Variants in CCSER1 observed in about 807,000 individuals in gnomAD.
CCSER1 encodes serine-rich coiled-coil domain-containing protein 1.
A neutral mutation model predicts 82.0 loss-of-function variants in CCSER1; 41 were observed. The observed-to-expected ratio is 0.50, with a 90% CI of 0.39 to 0.65. The LOEUF is 0.65. CCSER1 is among the 30% of genes least tolerant of loss of function. CCSER1 has a pLI of 0.00. For synonymous variants in CCSER1, 414 were observed against 383.9 expected, an observed-to-expected ratio of 1.08 and a Z score of -0.92; for missense variants, 1,119 against 1,064.2, an observed-to-expected ratio of 1.05 and a Z score of -0.72.
intron 1 of CCSER1, among the ~76,000 whole-genome samples, chr4:90,279,598 G>A (rs999220361): frequency 2.0e-4 from 31 of 151,892 alleles, no homozygotes; most frequent in African/African-American, 6.5e-4. Flanking sequence ...TCTGCTTCTC[G>A]CTGCACTGTT....
At chr4:90,174,679 AG>A (rs1287969907) in intron 1 of CCSER1, among the ~76,000 whole-genome samples, 2 of 151,956 alleles carry the variant, frequency 1.3e-5, no homozygotes, top group East Asian at 3.9e-4. Flanking sequence ...GATCCCCTTT[AG>A]GTATTCTGCT....
At chr4:90,498,783 A>T (rs1217128790) in intron 5 of CCSER1, among the ~76,000 whole-genome samples, 1 of 152,158 alleles carries the variant, frequency 6.6e-6, no homozygotes, top group African/African-American at 2.4e-5. Context: ...AATTAAATAG[A>T]AAAGAAATTC....
At chr4:90,709,645 T>A (rs1018192077) in intron 6 of CCSER1, among the ~76,000 whole-genome samples, 1 of 152,198 alleles carries the variant, frequency 6.6e-6, no homozygotes, top group Non-Finnish European at 1.5e-5. Context: ...TAGTATATTA[T>A]GGTGTATATG....
rs1734743666 is a variant in CCSER1, at chr4:90,308,625, G to C, written c.341G>C (p.Arg114Thr). 6.2e-7 allele frequency: 1 copy of C among 1,613,842 alleles called. No individual in the cohort carries two copies. Among genetic ancestry groups the C allele is most frequent in the African/African-American group, 1.3e-5 (1 of 75,048 alleles). ...SLEEHIKTRG[R>T]HSVGFSSSRN... ...GAAGAACATATTAAGACCAGGGGAA[G>C]ACATTCTGTTGGTTTTAGTAGTTCA... Residue 114 changes from arginine to threonine, a missense_variant, in exon 2 of 11, where the codon AGA becomes ACA. By Grantham distance (71) the Arg-to-Thr change is moderately conservative (BLOSUM62 -1). Coordinates refer to ENST00000509176, the MANE Select transcript of CCSER1 (RefSeq NM_001145065.2).
At chr4:91,526,438 C>T (rs1395710286) in intron 10 of CCSER1, among the ~76,000 whole-genome samples, 1 of 152,148 alleles carries the variant, frequency 6.6e-6, no homozygotes, top group African/African-American at 2.4e-5. Context: ...CCTGACCACC[C>T]TGGGGACATG....
At chr4:91,113,927 A>T (rs1726319093) in intron 10 of CCSER1, among the ~76,000 whole-genome samples, 1 of 150,792 alleles carries the variant, frequency 6.6e-6, no homozygotes, top group Non-Finnish European at 1.5e-5. Context: ...ATCTCGGCTC[A>T]CTGCAAGCTC....
chr4:91,593,270 C>T (rs1764352112), intron 10 of CCSER1, among the ~76,000 whole-genome samples: 2 of 152,054 alleles, frequency 1.3e-5, no homozygotes, highest in South Asian at 4.2e-4. Flanking sequence ...ATCATAGCTT[C>T]ATATTTGCCT....
chr4:91,101,759 A>G (rs1725086921), intron 10 of CCSER1, among the ~76,000 whole-genome samples: 1 of 152,206 alleles, frequency 6.6e-6, no homozygotes, highest in Non-Finnish European at 1.5e-5. Context: ...TAATTTGTCT[A>G]AAGGACATCA....
intron 10 of CCSER1, among the ~76,000 whole-genome samples, chr4:91,571,710 G>C (rs1337540684): frequency 3.3e-5 from 5 of 152,164 alleles, no homozygotes; most frequent in African/African-American, 1.2e-4. Context: ...GATGGGATTT[G>C]AGTGGGGACA....
intron 10 of CCSER1, among the ~76,000 whole-genome samples, chr4:91,271,867 G>A (rs930063999): frequency 9.9e-5 from 15 of 152,074 alleles, no homozygotes; most frequent in Admixed American, 7.2e-4. Flanking sequence ...TGATTCTCCT[G>A]CCTCATCCTC....
At chr4:91,496,657 A>AAT (rs368302046) in intron 10 of CCSER1, among the ~76,000 whole-genome samples, 6,200 of 23,752 alleles carry the variant, frequency 0.26, 2,650 homozygotes, top group East Asian at 0.48. Flanking sequence ...ATATATATTG[A>AAT]ATATATATAT....
chr4:90,362,191 C>T (rs755468795), intron 3 of CCSER1, among the ~76,000 whole-genome samples: 1 of 152,098 alleles, frequency 6.6e-6, no homozygotes, highest in Non-Finnish European at 1.5e-5. Context: ...TGTCAACATG[C>T]ATGAAATTAT....
intron 10 of CCSER1, among the ~76,000 whole-genome samples, chr4:91,396,928 C>A (rs1398824014): frequency 6.6e-6 from 1 of 151,928 alleles, no homozygotes; most frequent in African/African-American, 2.4e-5. Flanking sequence ...GACCATTGAC[C>A]CTCAACCTGG....
chr4:91,032,139 T>G (rs1047995972), intron 9 of CCSER1, among the ~76,000 whole-genome samples: 2 of 152,160 alleles, frequency 1.3e-5, no homozygotes, highest in African/African-American at 4.8e-5. Flanking sequence ...CTTTACATAT[T>G]GTTTTAATAA....
intron 1 of CCSER1, among the ~76,000 whole-genome samples, chr4:90,264,601 G>A (rs756951581): frequency 6.6e-6 from 1 of 151,958 alleles, no homozygotes; most frequent in Admixed American, 6.6e-5. Flanking sequence ...GGTTGTTTTT[G>A]TATATTTCTA....
At chr4:91,158,258 T>C (rs1302965032) in intron 10 of CCSER1, among the ~76,000 whole-genome samples, 2 of 152,008 alleles carry the variant, frequency 1.3e-5, no homozygotes, top group African/African-American at 4.8e-5. Flanking sequence ...CACTATTTTA[T>C]GCTTTCTTTT....
At chr4:90,897,171 G>A (rs1244858203) in intron 8 of CCSER1, among the ~76,000 whole-genome samples, 1 of 151,776 alleles carries the variant, frequency 6.6e-6, no homozygotes, top group Non-Finnish European at 1.5e-5. Context: ...TTCTTTTGCA[G>A]GTTTGTTACA....
At chr4:90,449,935 A>G (rs1326101837) in intron 4 of CCSER1, among the ~76,000 whole-genome samples, 1 of 152,090 alleles carries the variant, frequency 6.6e-6, no homozygotes, top group East Asian at 1.9e-4. Flanking sequence ...TGCTGGCTCC[A>G]TGGAGTGTAC....
chr4:90,683,832 T>A (rs1345869980), intron 6 of CCSER1, among the ~76,000 whole-genome samples: 1 of 152,106 alleles, frequency 6.6e-6, no homozygotes, highest in Non-Finnish European at 1.5e-5. Flanking sequence ...AATGAGGGAT[T>A]GTATGTCTGA....
Sources: gnomAD v4.1 joint callset for allele counts (sites outside exome capture counted in the v4.1 genomes callset) on GRCh38, gnomAD v4.1.1 for gene constraint, MANE v1.5 for transcripts, NCBI Gene and HGNC (gene_info 2026-07-23, HGNC 2026-07-21) for gene names.